Variants in TXLNB observed in about 807,000 individuals in gnomAD.
The protein encoded by TXLNB is taxilin beta, also known as beta-taxilin.
A neutral mutation model predicts 57.4 loss-of-function variants in TXLNB; 37 were observed. That is an observed-to-expected ratio of 0.64 (90% confidence interval 0.50 to 0.85). The LOEUF is 0.85. TXLNB is among the 40% of genes least tolerant of loss of function. The probability of loss-of-function intolerance (pLI) is 0.00; values close to 1 mark genes in which losing one functional copy is unlikely to be tolerated. For synonymous variants in TXLNB, 302 were observed against 309.6 expected (o/e 0.98, Z 0.26); for missense variants, 848 against 825.6 (o/e 1.03, Z -0.33).
At chr6:139,289,091 A>G (rs1777248505) in intron 1 of TXLNB, among the ~76,000 whole-genome samples, 178 bp from the exon 2 acceptor site, 1 of 152,186 alleles carries the variant, frequency 6.6e-6, no homozygotes, top group Admixed American at 6.5e-5. Flanking sequence ...ACCACCCCTC[A>G]TATCGTCTTA....
the TXLNB span, among the ~76,000 whole-genome samples, chr6:139,172,202 G>C: frequency 6.6e-6 from 1 of 152,146 alleles, no homozygotes; most frequent in Non-Finnish European, 1.5e-5. Flanking sequence ...GGCCTCAAAT[G>C]ATCATCCCAT....
chr6:139,272,735 G>C (rs2114574833), intron 3 of TXLNB, among the ~76,000 whole-genome samples: 1 of 152,168 alleles, frequency 6.6e-6, no homozygotes, highest in South Asian at 2.1e-4. Context: ...GTCCTTTCTT[G>C]AAATTTATAT....
intron 8 of TXLNB, chr6:139,245,403 A>T (rs1776044804): frequency 6.6e-6 from 1 of 152,242 alleles, no homozygotes. Context: ...AGGAAGTAAG[A>T]AGTGAATAAA....
chr6:139,270,726 A>G, intron 3 of TXLNB, 100 bp from the exon 4 acceptor site: 1 of 1,098,468 alleles, frequency 9.1e-7, no homozygotes. Context: ...GGTTGTTTGG[A>G]AACATTTTTT....
At position 139,242,550 on chromosome 6, in the gene TXLNB, G is replaced by A; in HGVS notation, c.2031C>T (p.Asp677=). ...SAGPQPRNVA[D]TNLEGVD ...CTTAGTCGACGCCTTCCAGATTGGTGTCAGCCACGTTGCGCGGCTGGGGCC... is the reference window on the plus strand; with the variant it reads ...CTTAGTCGACGCCTTCCAGATTGGTATCAGCCACGTTGCGCGGCTGGGGCC... Residue 677 remains aspartate (D), a synonymous_variant, in exon 10 of 10, where the codon GAC becomes GAT. Coordinates refer to ENST00000358430, the MANE Select transcript of TXLNB (RefSeq NM_153235.4). 1 of 1,508,418 alleles carries A rather than the reference G, an allele frequency of 6.6e-7. No individual in the cohort carries two copies. The allele number at this position is 1,508,418 out of a possible 1,614,324, so 93.4% of individuals were successfully genotyped here. A position where few individuals can be genotyped will look rare whatever the true frequency, so the allele number is the denominator to read the frequency against.
At chr6:139,227,767 A>G in the TXLNB span, among the ~76,000 whole-genome samples, 1 of 152,246 alleles carries the variant, frequency 6.6e-6, no homozygotes, top group Non-Finnish European at 1.5e-5. Context: ...GTTTTGAGCA[A>G]AAGAAGCCAG....
At chr6:139,255,447 TCCCATCCC>T in intron 7 of TXLNB, 109 bp downstream of exon 7, 1 of 773,958 alleles carries the variant, frequency 1.3e-6, no homozygotes, top group Non-Finnish European at 2.3e-6. Context: ...CATTTCCAAT[TCCCATCCC>T]CCCATCCCCT....
chr6:139,308,362 G>A, the TXLNB span, among the ~76,000 whole-genome samples: 1 of 152,190 alleles, frequency 6.6e-6, no homozygotes, highest in East Asian at 1.9e-4. Context: ...GACTTCCAAA[G>A]ACAAACCCTG....
At chr6:139,222,573 G>A in the TXLNB span, among the ~76,000 whole-genome samples, 2 of 152,148 alleles carry the variant, frequency 1.3e-5, no homozygotes, top group Admixed American at 6.5e-5. Context: ...TTGGGAAGCC[G>A]AGGCAGGTGA....
rs547493566 is a variant in TXLNB at position 139,260,349 on chromosome 6, G to A, written c.971C>T (p.Ala324Val). Residue 324 changes from alanine (A) to valine (V), a missense_variant, in exon 6 of 10, where the codon GCG (alanine) becomes GTG (valine). Ala to Val is a moderately conservative substitution (Grantham distance 64). Coordinates refer to ENST00000358430, the MANE Select transcript of TXLNB (RefSeq NM_153235.4). ...LEQAQEMMKE[A>V]EERHKREKEY... ...CTTTTCTCGTTTGTGTCGCTCCTCC[G>A]CTTCCTTCATCATTTCTTGGGCCTG... is the stretch of plus-strand genomic sequence containing the variant. The A allele has an allele frequency of 1.1e-4, 171 of 1,614,044 alleles. 2 individuals are homozygous for A. In the South Asian group the frequency reaches 1.8e-3, roughly 17 times the overall value.
the TXLNB span, among the ~76,000 whole-genome samples, chr6:139,305,108 G>T: frequency 6.6e-6 from 1 of 152,066 alleles, no homozygotes; most frequent in Admixed American, 6.6e-5. Flanking sequence ...TAAATGTTTT[G>T]AATTACCTTT....
the TXLNB span, chr6:139,177,243 A>C: frequency 1.7e-6 from 1 of 584,510 alleles, no homozygotes; most frequent in Non-Finnish European, 3.0e-6. This position sits in a 1 kb window ranked among gnomAD's most constrained non-coding sequence, Gnocchi z 4.9. Flanking sequence ...TGCCACTAAA[A>C]TAGGGGCTGC....
In TXLNB at chr6:139,247,174, G is replaced by A. The variant is rs193179791; in HGVS notation, c.1170+643C>T. Among the ~76,000 whole-genome samples the A allele has an allele frequency of 5.6e-3, 852 of 151,988 alleles. 4 individuals are homozygous for A. The highest frequency in any genetic ancestry group is 0.02 in the African/African-American group (818 of 41,462). On this transcript the variant is annotated intron_variant, in intron 8 of 9. Transcript: ENST00000358430. ...TGTTTTTGTTTTGAGACAGATTCTC[G>A]CTCTGTTGCCCAGGCTAGAGTGCAG...
At chr6:139,232,329 C>T in the TXLNB span, among the ~76,000 whole-genome samples, 1 of 152,180 alleles carries the variant, frequency 6.6e-6, no homozygotes, top group African/African-American at 2.4e-5. Flanking sequence ...ATGATTTAAT[C>T]ACATTCCACC....
At chr6:139,207,066 C>A in the TXLNB span, among the ~76,000 whole-genome samples, 450 of 152,192 alleles carry the variant, frequency 3.0e-3, no homozygotes, top group Middle Eastern at 6.8e-3. Flanking sequence ...CAGCAGTAGG[C>A]AGATCATCAA....
chr6:139,174,763 C>A, the TXLNB span: 1 of 509,764 alleles, frequency 2.0e-6, no homozygotes, highest in Non-Finnish European at 3.0e-6. Context: ...TATATTAGGT[C>A]AAAAGAACAG....
At chr6:139,236,184 T>C (rs574586410), downstream of TXLNB, among the ~76,000 whole-genome samples, 2 of 152,304 alleles carry the variant, frequency 1.3e-5, no homozygotes, top group South Asian at 2.1e-4. Context: ...GAGAAAGCCC[T>C]CTGTCCTTGT....
the TXLNB span, among the ~76,000 whole-genome samples, chr6:139,161,992 A>G: frequency 6.6e-6 from 1 of 152,218 alleles, no homozygotes; most frequent in Non-Finnish European, 1.5e-5. Context: ...CTAGGATTAC[A>G]GCTCTCTTTT....
chr6:139,254,256 T>C (rs1776279452), intron 7 of TXLNB, among the ~76,000 whole-genome samples: 1 of 152,218 alleles, frequency 6.6e-6, no homozygotes, highest in African/African-American at 2.4e-5. Context: ...GTCTGTGCAG[T>C]AGTATAATCT....
Sources: gnomAD v4.1 joint callset for allele counts (sites outside exome capture counted in the v4.1 genomes callset) on GRCh38, gnomAD v4.1.1 for gene constraint, Gnocchi (gnomAD v3.1) non-coding constraint, MANE v1.5 for transcripts, NCBI Gene and HGNC (gene_info 2026-07-23, HGNC 2026-07-21) for gene names.